Variants in RNF215 observed in about 807,000 individuals in gnomAD.
RNF215 encodes the protein ring finger protein 215.
Under a neutral mutation model 44.8 loss-of-function variants are expected in RNF215, and 41 were observed. That is an observed-to-expected ratio of 0.92 (90% CI 0.71 to 1.19). RNF215 has a LOEUF of 1.19. Ranked by LOEUF, RNF215 falls within the 50% of genes most tolerant of loss-of-function variation. The pLI, the probability that RNF215 is intolerant of heterozygous loss-of-function variation, is 0.00. For missense variants in RNF215, 452 were observed against 496.2 expected (o/e 0.91, Z 0.85); for synonymous variants, 218 against 230.1 (o/e 0.95, Z 0.48).
intron 7 of RNF215, 29 bp from the exon 8 acceptor site, chr22:30,379,842 G>A (rs1335976196): frequency 6.4e-7 from 1 of 1,571,780 alleles, no homozygotes; most frequent in South Asian, 1.1e-5. Flanking sequence ...AAGGGCTCAG[G>A]TCACCGAAGC....
chr22:30,379,876 G>T, intron 7 of RNF215, 63 bp from the exon 8 acceptor site: 1 of 1,526,984 alleles, frequency 6.5e-7, no homozygotes, highest in Non-Finnish European at 9.0e-7. Context: ...GGGGTGCCTG[G>T]TCCCATGCCC....
Position 30,380,389 on chromosome 22 carries a change from G to T in RNF215, c.757C>A (p.Gln253Lys). 1 of 1,605,486 alleles carries T rather than the reference G, an allele frequency of 6.2e-7. No homozygotes were observed. Among genetic ancestry groups the T allele is most frequent in the Non-Finnish European group, 8.5e-7 (1 of 1,174,964 alleles). The change falls in exon 6 of 9, where the codon CAG (glutamine) becomes AAG (lysine). Residue 253 changes from glutamine (Q) to lysine (K), a missense_variant. Coordinates refer to ENST00000382363, the MANE Select transcript of RNF215 (RefSeq NM_001017981.2). The surrounding 1 kb of genome is among the most constrained non-coding windows in gnomAD (Gnocchi z 5.3). ...SRAQEQKPLQQLWNAILLVAM... is the reference protein window; with the variant it reads ...SRAQEQKPLQKLWNAILLVAM... ...ACCAGCAGGATGGCGTTCCACAGCT[G>T]CTGCAGGGGTTTCTGGGGAGGGAAG...
intron 5 of RNF215, among the ~76,000 whole-genome samples, chr22:30,383,113 C>A (rs1395220400): frequency 6.6e-6 from 1 of 152,132 alleles, no homozygotes; most frequent in Non-Finnish European, 1.5e-5. Context: ...CTCTGGACTC[C>A]CAGAGGCTGG....
At position 30,387,343 on chromosome 22, in the gene RNF215, G is replaced by T; in HGVS notation, c.-30C>A. 9.5e-7 allele frequency: 1 copy of T among 1,049,330 alleles called. No homozygotes were observed. The highest frequency in any genetic ancestry group is 1.1e-6 in the Non-Finnish European group (1 of 872,108). 65.0% of individuals were successfully genotyped at this position (1,049,330 alleles called of 1,614,324 possible). A position where few individuals can be genotyped will look rare whatever the true frequency, so the allele number is the denominator to read the frequency against. On this transcript the variant is annotated 5_prime_UTR_variant, in exon 1 of 9. Coordinates refer to ENST00000382363, the MANE Select transcript of RNF215 (RefSeq NM_001017981.2). The stretch of plus-strand genomic sequence containing the variant: ...GGACCCGGCGAGCTGGCCCAACAGT[G>T]GGGCCAGGGGTCCCGGGCGCGGGGG...
chr22:30,381,264 A>G (rs1410674601), intron 5 of RNF215, among the ~76,000 whole-genome samples: 1 of 152,080 alleles, frequency 6.6e-6, no homozygotes. Flanking sequence ...CATCGGTGGG[A>G]GGTAACCATA....
rs1283407127 is a variant in RNF215 at position 30,379,786 on chromosome 22, C to G, written c.1036G>C (p.Glu346Gln). Residue 346 changes from glutamate (E) to glutamine (Q), a missense_variant, in exon 8 of 9, where the codon GAG (glutamate) becomes CAG (glutamine). Physicochemically the swap from Glu to Gln is conservative, Grantham distance 29. Coordinates refer to ENST00000382363, the MANE Select transcript of RNF215 (RefSeq NM_001017981.2). ...QWLRVLPCKH[E>Q]FHRDCVDPWL... Reference sequence around the variant, plus strand: ...GGGTCCACACAGTCTCGGTGAAACTCGTGCTTACAGGGCAGCACCCGGAGC... The same window carrying G: ...GGGTCCACACAGTCTCGGTGAAACTGGTGCTTACAGGGCAGCACCCGGAGC... 4 of 1,570,362 alleles carry G rather than the reference C, an allele frequency of 2.5e-6. No individual in the cohort carries two copies. The Admixed American group carries it at 7.6e-5, about 30-fold the overall frequency.
chr22:30,384,680 CT>C, intron 4 of RNF215, 185 bp from the exon 5 acceptor site: 1 of 549,034 alleles, frequency 1.8e-6, no homozygotes, highest in East Asian at 3.0e-5. Context: ...CCAGGGAAGC[CT>C]GCAAGTCCAT....
intron 5 of RNF215, among the ~76,000 whole-genome samples, chr22:30,381,605 G>T (rs1933530528): frequency 6.6e-6 from 1 of 152,216 alleles, no homozygotes; most frequent in African/African-American, 2.4e-5. Context: ...GCTCTCTGCA[G>T]CTGAGTACTG....
intron 5 of RNF215, among the ~76,000 whole-genome samples, chr22:30,383,612 A>T (rs756158240): frequency 6.6e-6 from 1 of 152,190 alleles, no homozygotes; most frequent in Non-Finnish European, 1.5e-5. Context: ...CCAGCAGAGT[A>T]GGGACTCAAG....
rs1377518575 is a variant in RNF215, at chr22:30,386,695, C to T, written c.350G>A (p.Gly117Asp). The T allele has an allele frequency of 1.9e-6, 3 of 1,611,990 alleles. No homozygotes were observed. The highest frequency in any genetic ancestry group is 2.7e-5 in the African/African-American group (2 of 74,928). Residue 117 changes from glycine (G) to aspartate (D), a missense_variant, in exon 2 of 9, where the codon GGC becomes GAC. Physicochemically the swap from Gly to Asp is moderately conservative, Grantham distance 94. Coordinates refer to ENST00000382363, the MANE Select transcript of RNF215 (RefSeq NM_001017981.2). Reference sequence around the variant, plus strand: ...GTGGAACTGGGCCGCCTGCTCCTTGCCCACGTATGCCACTGCAATCCAGCC... The same window carrying T: ...GTGGAACTGGGCCGCCTGCTCCTTGTCCACGTATGCCACTGCAATCCAGCC... ...VEGWIAVAYV[G>D]KEQAAQFHQE...
intron 1 of RNF215, 38 bp from the exon 2 acceptor site, chr22:30,386,797 TGTG>T (rs746184284): frequency 3.2e-6 from 5 of 1,584,748 alleles, no homozygotes; most frequent in Non-Finnish European, 4.3e-6. Flanking sequence ...GGAGGTAGGG[TGTG>T]GTGGGGGAGG....
At chr22:30,386,893 G>A in intron 1 of RNF215, 134 bp from the exon 2 acceptor site, 2 of 1,477,894 alleles carry the variant, frequency 1.4e-6, no homozygotes, top group East Asian at 2.4e-5. Context: ...GAATGCTGGG[G>A]GCCTGGGGAG....
intron 5 of RNF215, among the ~76,000 whole-genome samples, chr22:30,381,579 G>A (rs1178389748): frequency 2.0e-5 from 3 of 152,342 alleles, no homozygotes; most frequent in South Asian, 2.1e-4. Context: ...GGACTAACAC[G>A]TGCATTCACT....
At chr22:30,382,358 T>G (rs1157043758) in intron 5 of RNF215, among the ~76,000 whole-genome samples, 1 of 149,212 alleles carries the variant, frequency 6.7e-6, no homozygotes, top group Non-Finnish European at 1.5e-5. Context: ...GAGCCGAGAT[T>G]GCGCCATTGC....
At chr22:30,381,068 T>C (rs565921611) in intron 5 of RNF215, among the ~76,000 whole-genome samples, 1 of 152,296 alleles carries the variant, frequency 6.6e-6, no homozygotes, top group African/African-American at 2.4e-5. Flanking sequence ...CTGTTCCCTG[T>C]CTTGGGAACC....
In RNF215 at chr22:30,387,306, G is replaced by A. The variant is rs1933618251; in HGVS notation, c.8C>T (p.Pro3Leu). 1 of 1,068,214 alleles carries A rather than the reference G, an allele frequency of 9.4e-7. No homozygotes were observed. Among genetic ancestry groups the A allele is most frequent in the Non-Finnish European group, 1.1e-6 (1 of 885,932 alleles). 66.2% of individuals were successfully genotyped at this position (1,068,214 alleles called of 1,614,324 possible). Residue 3 changes from proline (P) to leucine (L), a missense_variant, in exon 1 of 9, where the codon CCC becomes CTC. Pro to Leu is a moderately conservative substitution (Grantham distance 98). Coordinates refer to ENST00000382363, the MANE Select transcript of RNF215 (RefSeq NM_001017981.2). ...CGATCTCAGCGCGGGGCGAGCGGCG[G>A]GGCCCATGGCCGGACCCGGCGAGCT... MG[P>L]AARPALRSPP...
Position 30,387,403 on chromosome 22 carries a change from C to A in RNF215, c.-90G>T. ...GGAGCGAGGCCGCTGCCGGACGGGGCGGGGCGCCGGGAGGGGCGGGGCCGC... is the reference window on the plus strand; with the variant it reads ...GGAGCGAGGCCGCTGCCGGACGGGGAGGGGCGCCGGGAGGGGCGGGGCCGC... On this transcript the variant is annotated 5_prime_UTR_variant, in exon 1 of 9. Coordinates refer to ENST00000382363, the MANE Select transcript of RNF215 (RefSeq NM_001017981.2). The A allele has an allele frequency of 1.4e-6, 1 of 714,164 alleles. No homozygotes were observed. Among genetic ancestry groups the A allele is most frequent in the Non-Finnish European group, 1.7e-6 (1 of 580,258 alleles). 44.2% of individuals were successfully genotyped at this position (714,164 alleles called of 1,614,324 possible). A position where few individuals can be genotyped will look rare whatever the true frequency, so the allele number is the denominator to read the frequency against.
At chr22:30,383,570 G>A (rs1317945914) in intron 5 of RNF215, among the ~76,000 whole-genome samples, 1 of 152,186 alleles carries the variant, frequency 6.6e-6, no homozygotes, top group Non-Finnish European at 1.5e-5. Flanking sequence ...ACCTGCTGGA[G>A]GCTGTACACC....
At position 30,380,025 on chromosome 22, in the gene RNF215, G is replaced by A. The variant is rs1464162767; in HGVS notation, c.1008+37C>T. 4.3e-6 allele frequency: 7 copies of A among 1,610,960 alleles called. No homozygotes were observed. The highest frequency in any genetic ancestry group is 2.2e-5 in the East Asian group (1 of 44,782). ...CAGGAGTAAGGTGGGAGGCATCACA[G>A]GTGAGCTGATGGCTGGTCTCTACCC... On this transcript the variant is annotated intron_variant, in intron 7 of 8. Transcript: ENST00000382363. This position sits in a 1 kb window ranked among gnomAD's most constrained non-coding sequence, Gnocchi z 5.3.
Sources: allele counts gnomAD v4.1 joint callset (sites outside exome capture counted in the v4.1 genomes callset), GRCh38; gene constraint gnomAD v4.1.1; non-coding constraint Gnocchi (gnomAD v3.1); transcripts MANE v1.5; gene names NCBI Gene and HGNC (gene_info 2026-07-23, HGNC 2026-07-21).